DCK: variants seen among roughly 807,000 people sequenced by gnomAD.
DCK encodes the protein deoxycytidine kinase.
A neutral mutation model predicts 38.3 loss-of-function variants in DCK; 23 were observed. The ratio of observed to expected loss-of-function variants is 0.60; its 90% CI spans 0.43 to 0.85. The LOEUF is 0.85. Among genes scored for constraint, DCK ranks in the 40% least tolerant of loss-of-function variants. The probability of loss-of-function intolerance (pLI) is 0.00; values close to 1 mark genes in which losing one functional copy is unlikely to be tolerated. For synonymous variants in DCK, 108 were observed against 100.6 expected, an observed-to-expected ratio of 1.07 and a Z score of -0.44; for missense variants, 259 against 304.4, an observed-to-expected ratio of 0.85 and a Z score of 1.11.
At chr4:71,024,303 G>A (rs1740497885) in intron 4 of DCK, among the ~76,000 whole-genome samples, 1 of 152,112 alleles carries the variant, frequency 6.6e-6, no homozygotes, top group Non-Finnish European at 1.5e-5. Context: ...TTGAAAAGGT[G>A]CTTTTTGTGA....
In DCK at chr4:71,025,943, T is replaced by G. The variant is rs1196328316; in HGVS notation, c.665+12T>G. 3.2e-6 allele frequency: 5 copies of G among 1,563,828 alleles called. No individual in the cohort carries two copies. In the South Asian group the frequency reaches 6.2e-5, roughly 19 times the overall value. ...CATAGGACACTGAAGTAAGACTTAT[T>G]TTTATTTACTATTCATTTTAAATAC... On this transcript the variant is annotated intron_variant, in intron 5 of 6. Transcript: ENST00000286648.
At chr4:71,028,056 T>C (rs984702126) in intron 6 of DCK, among the ~76,000 whole-genome samples, 1 of 152,230 alleles carries the variant, frequency 6.6e-6, no homozygotes, top group African/African-American at 2.4e-5. Context: ...TCTTACATTA[T>C]GGTCAGTAGG....
At chr4:71,005,996 G>A (rs1418289699) in intron 2 of DCK, among the ~76,000 whole-genome samples, 13 of 150,484 alleles carry the variant, frequency 8.6e-5, no homozygotes, top group Admixed American at 3.3e-4. Flanking sequence ...CGTGGTGGTG[G>A]GCGCCTGTAA....
intron 1 of DCK, among the ~76,000 whole-genome samples, chr4:70,996,105 C>T (rs1362697141): frequency 6.6e-6 from 1 of 151,628 alleles, no homozygotes; most frequent in Non-Finnish European, 1.5e-5. Flanking sequence ...ACTACTCAGG[C>T]GGCTGATGCT....
chr4:70,996,670 T>G (rs936532918), intron 1 of DCK, among the ~76,000 whole-genome samples: 1 of 152,262 alleles, frequency 6.6e-6, no homozygotes, highest in Non-Finnish European at 1.5e-5. Context: ...TAAACTATTT[T>G]GCAATTCCTC....
At chr4:70,999,885 T>C (rs1288077453) in intron 2 of DCK, among the ~76,000 whole-genome samples, 1 of 152,204 alleles carries the variant, frequency 6.6e-6, no homozygotes, top group Non-Finnish European at 1.5e-5. Flanking sequence ...TTTTTTCTTG[T>C]AAATTTGTTT....
chr4:71,000,505 C>T (rs1355077620), intron 2 of DCK, among the ~76,000 whole-genome samples: 4 of 152,086 alleles, frequency 2.6e-5, no homozygotes, highest in Non-Finnish European at 5.9e-5. Context: ...GCTATACGGG[C>T]TCTTTTTTGG....
chr4:71,002,066 G>A (rs1205984754), intron 2 of DCK, among the ~76,000 whole-genome samples: 1 of 152,052 alleles, frequency 6.6e-6, no homozygotes, highest in Admixed American at 6.6e-5. Flanking sequence ...TGATGTTAGG[G>A]TGTCGATTTT....
At chr4:71,008,436 G>C (rs1578422086) in intron 2 of DCK, among the ~76,000 whole-genome samples, 1 of 152,294 alleles carries the variant, frequency 6.6e-6, no homozygotes, top group East Asian at 1.9e-4. Flanking sequence ...GCCCACTTGG[G>C]TCCTTTTGCC....
intron 1 of DCK, among the ~76,000 whole-genome samples, chr4:70,994,502 C>T (rs752835439): frequency 1.3e-5 from 2 of 152,190 alleles, no homozygotes; most frequent in Non-Finnish European, 2.9e-5. Context: ...TTGTGTCTGG[C>T]GTCTTTCATT....
At chr4:71,026,540 A>G (rs1740551638) in intron 5 of DCK, 125 bp from the exon 6 acceptor site, 4 of 652,840 alleles carry the variant, frequency 6.1e-6, no homozygotes, top group Non-Finnish European at 8.2e-6. Context: ...AGTACTGCAA[A>G]GTAACTTTAG....
At chr4:71,008,649 GAAA>G (rs1469681685) in intron 2 of DCK, among the ~76,000 whole-genome samples, 2 of 152,144 alleles carry the variant, frequency 1.3e-5, no homozygotes, top group Non-Finnish European at 2.9e-5. Flanking sequence ...ACCAATGTTG[GAAA>G]ATAGAGGGTA....
At chr4:70,994,009 A>G (rs1438731186) in intron 1 of DCK, 83 bp downstream of exon 1, 2 of 1,004,184 alleles carry the variant, frequency 2.0e-6, no homozygotes, top group South Asian at 1.3e-5. Context: ...ATCTCTCTGC[A>G]GCAACTCGGT....
intron 2 of DCK, among the ~76,000 whole-genome samples, chr4:71,020,243 A>G (rs946275646): frequency 6.6e-6 from 1 of 152,124 alleles, no homozygotes; most frequent in Admixed American, 6.5e-5. Context: ...AGTTCTCTGT[A>G]TTTCCAGTAA....
At chr4:71,002,642 C>G (rs1321504994) in intron 2 of DCK, among the ~76,000 whole-genome samples, 1 of 151,992 alleles carries the variant, frequency 6.6e-6, no homozygotes, top group Non-Finnish European at 1.5e-5. Flanking sequence ...TCTGGGTGCT[C>G]CTGTATTGGG....
At chr4:70,999,130 A>T (rs1578417928) in intron 2 of DCK, among the ~76,000 whole-genome samples, 1 of 152,082 alleles carries the variant, frequency 6.6e-6, no homozygotes, top group East Asian at 1.9e-4. Context: ...TCAACCCGTC[A>T]TCTACATTAG....
intron 2 of DCK, among the ~76,000 whole-genome samples, chr4:71,012,491 A>C (rs373538805): frequency 8.3e-4 from 126 of 152,342 alleles, no homozygotes; most frequent in African/African-American, 3.0e-3. Flanking sequence ...CTGACCCCCG[A>C]ATAGCCTAAC....
chr4:70,994,659 T>A (rs190400161), intron 1 of DCK, among the ~76,000 whole-genome samples: 1 of 152,352 alleles, frequency 6.6e-6, no homozygotes, highest in Non-Finnish European at 1.5e-5. Flanking sequence ...GTTTTTTAGC[T>A]ATATTATTAG....
chr4:71,016,422 G>A (rs1015102891), intron 2 of DCK, among the ~76,000 whole-genome samples: 9 of 152,032 alleles, frequency 5.9e-5, no homozygotes, highest in African/African-American at 2.2e-4. Context: ...TCACAGAATT[G>A]GAAAAAACTA....
Sources: gnomAD v4.1 joint callset for allele counts (sites outside exome capture counted in the v4.1 genomes callset) on GRCh38, gnomAD v4.1.1 for gene constraint, MANE v1.5 for transcripts, NCBI Gene and HGNC (gene_info 2026-07-23, HGNC 2026-07-21) for gene names.